Variants in UBE2V2 observed in about 807,000 individuals in gnomAD.
UBE2V2 encodes the protein ubiquitin conjugating enzyme E2 V2.
A neutral mutation model predicts 17.2 loss-of-function variants in UBE2V2; 9 were observed. That is an observed-to-expected ratio of 0.52 (90% CI 0.32 to 0.91). UBE2V2 has a LOEUF of 0.91. Ranked by LOEUF, UBE2V2 falls within the 40% of genes least tolerant of loss-of-function variation. The pLI is 0.04. For missense variants in UBE2V2, 133 were observed against 182.6 expected, an observed-to-expected ratio of 0.73 and a Z score of 1.56; for synonymous variants, 61 against 57.5, an observed-to-expected ratio of 1.06 and a Z score of -0.28.
intron 3 of UBE2V2, 88 bp downstream of exon 3, chr8:48,050,066 A>G (rs545125093): frequency 1.0e-6 from 1 of 968,572 alleles, no homozygotes; most frequent in African/African-American, 1.7e-5. Context: ...TATGTAAGAT[A>G]TTAATATGTA....
intron 3 of UBE2V2, among the ~76,000 whole-genome samples, chr8:48,058,869 G>A (rs1254339561): frequency 6.6e-6 from 1 of 151,594 alleles, no homozygotes; most frequent in Non-Finnish European, 1.5e-5. Context: ...TTAAAATATT[G>A]AATCTATCTT....
In UBE2V2 at chr8:48,061,469, A is replaced by G. The variant is rs1802591748; in HGVS notation, c.*641A>G. 6.6e-6 allele frequency: 1 copy of G among 152,374 alleles called. No homozygotes were observed. Among genetic ancestry groups the G allele is most frequent in the Non-Finnish European group, 1.5e-5 (1 of 67,808 alleles). 9.4% of individuals were successfully genotyped at this position (152,374 alleles called of 1,614,324 possible). A position where few individuals can be genotyped will look rare whatever the true frequency, so the allele number is the denominator to read the frequency against. On this transcript the variant is annotated 3_prime_UTR_variant, in exon 4 of 4. Transcript: ENST00000523111. ...CTTTGTTTAACAAACCATGCATTTA[A>G]GTTTAAGTGAAGTCAACAAAAAGGA... is the stretch of plus-strand genomic sequence containing the variant.
chr8:48,037,189 C>T (rs1212836828), intron 1 of UBE2V2, among the ~76,000 whole-genome samples: 1 of 152,124 alleles, frequency 6.6e-6, no homozygotes, highest in Non-Finnish European at 1.5e-5. Context: ...CAGAAAAATA[C>T]GTATATAGGT....
At chr8:48,020,106 A>T (rs1304899323) in intron 1 of UBE2V2, among the ~76,000 whole-genome samples, 1 of 150,524 alleles carries the variant, frequency 6.6e-6, no homozygotes, top group African/African-American at 2.5e-5. Flanking sequence ...TGGCGTGAAC[A>T]TGGCTCACTG....
At chr8:48,052,783 A>T (rs1410215727) in intron 3 of UBE2V2, among the ~76,000 whole-genome samples, 2 of 152,180 alleles carry the variant, frequency 1.3e-5, no homozygotes, top group African/African-American at 4.8e-5. Flanking sequence ...GCTCACTGGG[A>T]GTGCTCAAGG....
In UBE2V2 at chr8:48,009,673, T is replaced by C. The variant is rs146977876; in HGVS notation, c.16+1203T>C. 3.5e-3 allele frequency among the ~76,000 whole-genome samples: 538 copies of C among 152,356 alleles called. 2 individuals carry two copies. The highest frequency in any genetic ancestry group is 0.012 in the African/African-American group (507 of 41,586). Reference sequence around the variant, plus strand: ...AATGAATTTTCAAATCTATATGTACTGAAATGGAAGGCTTTGAATATATGT... The same window carrying C: ...AATGAATTTTCAAATCTATATGTACCGAAATGGAAGGCTTTGAATATATGT... On this transcript the variant is annotated intron_variant, in intron 1 of 3. Coordinates refer to ENST00000523111, the MANE Select transcript of UBE2V2 (RefSeq NM_003350.3).
intron 3 of UBE2V2, among the ~76,000 whole-genome samples, chr8:48,059,577 T>A (rs183218329): frequency 6.6e-6 from 1 of 152,090 alleles, no homozygotes; most frequent in East Asian, 1.9e-4. Flanking sequence ...CCTGGCTAAT[T>A]TTTGTATTTT....
intron 1 of UBE2V2, among the ~76,000 whole-genome samples, chr8:48,040,865 T>TTG (rs1554658018): frequency 3.8e-4 from 53 of 140,586 alleles, no homozygotes; most frequent in African/African-American, 4.6e-4. Context: ...TTTTTTTTTT[T>TTG]TGTGTGTGTG....
chr8:48,004,545 T>G (rs1235359670), upstream of UBE2V2, among the ~76,000 whole-genome samples: 2 of 151,430 alleles, frequency 1.3e-5, no homozygotes, highest in Non-Finnish European at 2.9e-5. Flanking sequence ...TTTGTTTTTT[T>G]TTTGAGGCAG....
intron 1 of UBE2V2, among the ~76,000 whole-genome samples, chr8:48,015,048 T>TC (rs2091259690): frequency 9.1e-6 from 1 of 110,422 alleles, no homozygotes; most frequent in African/African-American, 3.6e-5. Context: ...AGACTCCATC[T>TC]CCAAAAAAAA....
chr8:48,034,128 CTT>C (rs895844431), intron 1 of UBE2V2, among the ~76,000 whole-genome samples: 6 of 136,234 alleles, frequency 4.4e-5, no homozygotes, highest in Non-Finnish European at 3.1e-5. Context: ...TTTTCTTTTC[CTT>C]TTTTTTTTTT....
upstream of UBE2V2, among the ~76,000 whole-genome samples, chr8:48,005,890 T>A (rs188394062): frequency 6.6e-6 from 1 of 152,336 alleles, no homozygotes; most frequent in Admixed American, 6.5e-5. Context: ...TCTGTTTAAG[T>A]TCTTTGTAGA....
chr8:48,036,732 C>G (rs753304382), intron 1 of UBE2V2, among the ~76,000 whole-genome samples: 3 of 151,664 alleles, frequency 2.0e-5, no homozygotes, highest in Non-Finnish European at 2.9e-5. Context: ...ACTGCCTGGC[C>G]GACTCAAAAA....
the UBE2V2 span, among the ~76,000 whole-genome samples, chr8:47,998,117 C>T: frequency 6.6e-6 from 1 of 151,952 alleles, no homozygotes; most frequent in Admixed American, 6.6e-5. Context: ...ACGTTGGAAT[C>T]GAAAGTGCCA....
intron 1 of UBE2V2, among the ~76,000 whole-genome samples, chr8:48,031,998 A>G (rs1456820543): frequency 6.6e-6 from 1 of 152,218 alleles, no homozygotes; most frequent in Non-Finnish European, 1.5e-5. Context: ...ACATTGAAAT[A>G]TCCGAAGTGG....
chr8:48,011,986 C>G (rs1396438137), intron 1 of UBE2V2, among the ~76,000 whole-genome samples: 2 of 152,122 alleles, frequency 1.3e-5, no homozygotes, highest in African/African-American at 4.8e-5. Context: ...TTGGCCATCC[C>G]ATCTGGTCTT....
At chr8:48,051,751 G>C (rs567014165) in intron 3 of UBE2V2, among the ~76,000 whole-genome samples, 1 of 152,200 alleles carries the variant, frequency 6.6e-6, no homozygotes, top group Non-Finnish European at 1.5e-5. Context: ...GCAGGTCTGA[G>C]GCGGGGCCCC....
chr8:48,008,379 G>C (rs571926989), upstream of UBE2V2: 229 of 1,537,580 alleles, frequency 1.5e-4, 5 homozygotes, highest in South Asian at 1.7e-3. Flanking sequence ...GACGCGTGCA[G>C]GGCGGCGCGC....
chr8:48,030,759 C>T (rs930394375), intron 1 of UBE2V2, among the ~76,000 whole-genome samples: 4 of 151,978 alleles, frequency 2.6e-5, no homozygotes, highest in Non-Finnish European at 4.4e-5. Context: ...TGGTGGCTCA[C>T]TCCTGTAATC....
Sources: gnomAD v4.1 joint callset for allele counts (sites outside exome capture counted in the v4.1 genomes callset) on GRCh38, gnomAD v4.1.1 for gene constraint, MANE v1.5 for transcripts, NCBI Gene and HGNC (gene_info 2026-07-23, HGNC 2026-07-21) for gene names.